LRP1B: variants seen among roughly 807,000 people sequenced by gnomAD.
The protein encoded by LRP1B is LDL receptor related protein 1B, also known as low-density lipoprotein receptor-related protein 1B.
A neutral mutation model predicts 556.6 loss-of-function variants in LRP1B; 217 were observed. The ratio of observed to expected loss-of-function variants is 0.39; its 90% CI spans 0.35 to 0.44. The LOEUF (loss-of-function observed/expected upper bound fraction) is 0.44, where lower values mean the gene tolerates loss of function less well. LRP1B is among the 20% of genes least tolerant of loss of function. LRP1B has a pLI of 1.00. For missense variants in LRP1B, 5,053 were observed against 5,620.8 expected, an observed-to-expected ratio of 0.90 and a Z score of 3.23; for synonymous variants, 2,047 against 1,865.8, an observed-to-expected ratio of 1.10 and a Z score of -2.50.
chr2:140,550,103 G>A (rs189165416), intron 43 of LRP1B, among the ~76,000 whole-genome samples: 164 of 151,936 alleles, frequency 1.1e-3, no homozygotes, highest in African/African-American at 3.3e-3. Flanking sequence ...AAGAACGTGA[G>A]TCGTTGTGAG....
At chr2:140,250,234 A>G (rs1204786181) in intron 86 of LRP1B, among the ~76,000 whole-genome samples, 1 of 151,826 alleles carries the variant, frequency 6.6e-6, no homozygotes, top group Non-Finnish European at 1.5e-5. Context: ...CCTTAGTCTT[A>G]GGACCATAAA....
chr2:141,464,738 T>C (rs1378145433), intron 3 of LRP1B, among the ~76,000 whole-genome samples: 1 of 151,560 alleles, frequency 6.6e-6, no homozygotes, highest in African/African-American at 2.4e-5. Context: ...GTCCCTTTGC[T>C]GTGACTTTTT....
At chr2:140,365,930 G>A (rs1489492725) in intron 71 of LRP1B, among the ~76,000 whole-genome samples, 1 of 151,710 alleles carries the variant, frequency 6.6e-6, no homozygotes, top group Non-Finnish European at 1.5e-5. Context: ...TTTTGCAGAT[G>A]TACTTTGGAA....
At chr2:140,365,466 C>T (rs1015075582) in intron 71 of LRP1B, among the ~76,000 whole-genome samples, 5 of 151,592 alleles carry the variant, frequency 3.3e-5, no homozygotes, top group East Asian at 1.9e-4. Context: ...ATCTGCCACA[C>T]GCAAAGGACC....
Position 140,727,305 on chromosome 2 carries a change from G to A in LRP1B, c.5759-10489C>T, listed in dbSNP as rs76285845. ...TATGGCACAATAATTTCTTGTAGAA[G>A]GTTGCTTGTGACAGGAGGGACAGGC... On this transcript the variant is annotated intron_variant, in intron 35 of 90. Transcript: ENST00000389484. Among the ~76,000 whole-genome samples the A allele has an allele frequency of 6.6e-3, 999 of 152,228 alleles. 5 individuals carry two copies. The highest frequency in any genetic ancestry group is 0.023 in the African/African-American group (950 of 41,536).
chr2:141,731,546 C>G (rs1040199944), intron 2 of LRP1B, among the ~76,000 whole-genome samples: 9 of 152,108 alleles, frequency 5.9e-5, no homozygotes, highest in African/African-American at 2.2e-4. Context: ...TCCTAAAGCT[C>G]AGAGGAAAAG....
intron 57 of LRP1B, among the ~76,000 whole-genome samples, chr2:140,491,147 T>C (rs180723023): frequency 6.6e-6 from 1 of 152,236 alleles, no homozygotes; most frequent in East Asian, 1.9e-4. Flanking sequence ...GGAATGCTGG[T>C]AGACATGTAC....
At chr2:140,527,236 G>GCTAT (rs1313534942) in intron 47 of LRP1B, among the ~76,000 whole-genome samples, 8 of 151,874 alleles carry the variant, frequency 5.3e-5, no homozygotes, top group African/African-American at 1.7e-4. Flanking sequence ...TGCTGTGAAT[G>GCTAT]GGTACATGAC....
intron 2 of LRP1B, among the ~76,000 whole-genome samples, chr2:141,512,997 T>C (rs1200353000): frequency 2.0e-5 from 3 of 152,266 alleles, no homozygotes; most frequent in East Asian, 1.9e-4. Context: ...AAATAATTAA[T>C]ATTTGGGATA....
chr2:142,073,879 T>C (rs1349573274), intron 1 of LRP1B, among the ~76,000 whole-genome samples: 3 of 151,928 alleles, frequency 2.0e-5, no homozygotes, highest in East Asian at 1.9e-4. Context: ...TCCCCTTCAC[T>C]TTGGGCCATG....
intron 43 of LRP1B, among the ~76,000 whole-genome samples, chr2:140,583,514 C>A (rs7591593): frequency 0.012 from 1,888 of 151,908 alleles, 50 homozygotes; most frequent in African/African-American, 0.043. Context: ...TTTAGTTTTT[C>A]TTCCCTCTAA....
chr2:140,902,920 C>T lies in LRP1B; in HGVS notation c.3766G>A (p.Asp1256Asn), dbSNP rs1178377501. 3 of 1,611,862 alleles carry T rather than the reference C, an allele frequency of 1.9e-6. No individual in the cohort carries two copies. In the East Asian group the frequency reaches 6.7e-5, roughly 36 times the overall value. Residue 1256 changes from aspartate to asparagine, a missense_variant and splice_region_variant, in exon 23 of 91, where the codon GAT becomes AAT. Asp to Asn is a conservative substitution (Grantham distance 23). This residue lies in a region of LRP1B where 3,619 missense variants were observed against 3,931.9 expected (regional missense o/e 0.92). Coordinates refer to ENST00000389484, the MANE Select transcript of LRP1B (RefSeq NM_018557.3). ...DVDGESCTSV[D>N]PFEAFIIFSI... ...CAACACACACAAAATAGTTACTTAC[C>T]AACACTTGTACAACTTTCACCGTCT... is the stretch of plus-strand genomic sequence containing the variant.
intron 1 of LRP1B, among the ~76,000 whole-genome samples, chr2:141,837,427 G>C (rs2105754794): frequency 6.6e-6 from 1 of 151,810 alleles, no homozygotes; most frequent in East Asian, 1.9e-4. Context: ...ATAAATCCTG[G>C]GAAGCATGAT....
At chr2:141,674,044 A>C (rs1007602835) in intron 2 of LRP1B, among the ~76,000 whole-genome samples, 5 of 152,078 alleles carry the variant, frequency 3.3e-5, no homozygotes, top group African/African-American at 9.6e-5. Context: ...CATTCAAACT[A>C]ACTGCCATAA....
intron 60 of LRP1B, among the ~76,000 whole-genome samples, chr2:140,470,310 T>G (rs1352762736): frequency 6.6e-6 from 1 of 152,128 alleles, no homozygotes; most frequent in East Asian, 1.9e-4. Context: ...AAACTCTCTC[T>G]CTTAGGCTTA....
chr2:141,005,199 G>A, intron 15 of LRP1B, 136 bp downstream of exon 15: 1 of 972,122 alleles, frequency 1.0e-6, no homozygotes, highest in Non-Finnish European at 1.4e-6. Context: ...ATAATTTATA[G>A]TCTAAAAAGA....
At chr2:141,972,419 T>C (rs1428185857) in intron 1 of LRP1B, among the ~76,000 whole-genome samples, 1 of 151,656 alleles carries the variant, frequency 6.6e-6, no homozygotes, top group African/African-American at 2.4e-5. Flanking sequence ...CTTTTTTTAA[T>C]ATAAAAAAGC....
In LRP1B at chr2:140,954,201, G is replaced by A. The variant is rs117607164; in HGVS notation, c.2888-2261C>T. ...ACATTTATGTTTCAAGAATCAGCAC[G>A]AACGTTGTCCGAAATATGCTTTTGT... On this transcript the variant is annotated intron_variant, in intron 18 of 90. Transcript: ENST00000389484. Among the ~76,000 whole-genome samples the A allele has an allele frequency of 2.6e-5, 4 of 152,246 alleles. No homozygotes were observed. The East Asian group carries it at 5.8e-4, about 22-fold the overall frequency.
chr2:140,796,924 T>A (rs887402368), intron 32 of LRP1B, among the ~76,000 whole-genome samples: 1 of 151,846 alleles, frequency 6.6e-6, no homozygotes, highest in Admixed American at 6.6e-5. Flanking sequence ...TAAAATGATA[T>A]GTTATTTGTC....
Sources: allele counts gnomAD v4.1 joint callset (sites outside exome capture counted in the v4.1 genomes callset), GRCh38; gene constraint gnomAD v4.1.1; regional missense constraint gnomAD v4.1.1; transcripts MANE v1.5; gene names NCBI Gene and HGNC (gene_info 2026-07-23, HGNC 2026-07-21).